The following CTXND2 variants were observed in gnomAD, a reference collection of about 807,000 sequenced individuals.
CTXND2 encodes the protein cortexin domain containing 2.
At chr1:150,888,094 C>A (rs587715268) in intron 1 of CTXND2, among the ~76,000 whole-genome samples, 1 of 152,084 alleles carries the variant, frequency 6.6e-6, no homozygotes, top group African/African-American at 2.4e-5. Context: ...GACAGGTATT[C>A]CCTTTGGAAA....
chr1:150,887,517 T>C (rs1448399606), intron 1 of CTXND2, among the ~76,000 whole-genome samples: 1 of 152,094 alleles, frequency 6.6e-6, no homozygotes, highest in African/African-American at 2.4e-5. Context: ...GAACTCAAAC[T>C]CCTGGTCTCA....
chr1:150,893,010 C>A (rs1668872496), intron 1 of CTXND2, among the ~76,000 whole-genome samples: 1 of 152,212 alleles, frequency 6.6e-6, no homozygotes, highest in African/African-American at 2.4e-5. Flanking sequence ...TATATCCCTT[C>A]ATTTACTTAA....
At chr1:150,908,317 T>C (rs1571606195) in intron 1 of CTXND2, among the ~76,000 whole-genome samples, 1 of 152,158 alleles carries the variant, frequency 6.6e-6, no homozygotes, top group South Asian at 2.1e-4. Context: ...GTAACTCTTA[T>C]GTTTCATAAT....
chr1:150,900,739 A>G (rs1388687682), intron 1 of CTXND2, among the ~76,000 whole-genome samples: 2 of 152,240 alleles, frequency 1.3e-5, no homozygotes, highest in Non-Finnish European at 2.9e-5. Flanking sequence ...GTGTATAAAC[A>G]ATATTTAAAA....
exon 2 of CTXND2, chr1:150,912,300 G>A (rs2292166): frequency 0.22 from 87,208 of 398,390 alleles, 10,598 homozygotes; most frequent in Non-Finnish European, 0.25. Context: ...CAACAGTAAC[G>A]AGGTGCAAGT....
At chr1:150,911,248 C>T (rs1669252180) in intron 1 of CTXND2, among the ~76,000 whole-genome samples, 1 of 149,972 alleles carries the variant, frequency 6.7e-6, no homozygotes, top group Non-Finnish European at 1.5e-5. Flanking sequence ...GTGCCTGGCC[C>T]TGGACTCTCA....
chr1:150,888,421 G>A (rs1005569820), intron 1 of CTXND2, among the ~76,000 whole-genome samples: 36 of 151,782 alleles, frequency 2.4e-4, no homozygotes, highest in African/African-American at 8.0e-4. Context: ...TCACCATGTT[G>A]GCCAGGCTGG....
exon 2 of CTXND2, chr1:150,912,769 G>A (rs756234760): frequency 4.0e-6 from 1 of 247,842 alleles, no homozygotes; most frequent in African/African-American, 2.2e-5. Flanking sequence ...GTAACATAAT[G>A]TCATCATGCT....
intron 1 of CTXND2, among the ~76,000 whole-genome samples, chr1:150,910,020 G>A (rs587693137): frequency 2.0e-5 from 3 of 152,086 alleles, no homozygotes; most frequent in Admixed American, 2.0e-4. Context: ...TACTTTTTTT[G>A]AGAGGCCTGG....
chr1:150,893,144 T>A (rs893791293), intron 1 of CTXND2, among the ~76,000 whole-genome samples: 3 of 152,246 alleles, frequency 2.0e-5, no homozygotes, highest in Non-Finnish European at 4.4e-5. Flanking sequence ...GATGCTTTTT[T>A]AAAAATTACA....
At chr1:150,893,294 T>G (rs1259016357) in intron 1 of CTXND2, among the ~76,000 whole-genome samples, 1 of 152,180 alleles carries the variant, frequency 6.6e-6, no homozygotes, top group East Asian at 1.9e-4. Context: ...AAACTTTTGT[T>G]TTCTTCTTTT....
At chr1:150,889,857 A>G (rs1028690452) in intron 1 of CTXND2, among the ~76,000 whole-genome samples, 2 of 152,078 alleles carry the variant, frequency 1.3e-5, no homozygotes, top group Non-Finnish European at 2.9e-5. Flanking sequence ...AGCCCTCCCC[A>G]GGCACTGAAT....
chr1:150,898,754 CAAAAAAA>C (rs34434799), intron 1 of CTXND2, among the ~76,000 whole-genome samples: 2 of 81,214 alleles, frequency 2.5e-5, no homozygotes, highest in African/African-American at 9.5e-5. Context: ...GATTCTGACT[CAAAAAAA>C]AAAAAAAAAG....
intron 1 of CTXND2, among the ~76,000 whole-genome samples, chr1:150,902,370 G>A (rs1318340173): frequency 6.6e-6 from 1 of 151,332 alleles, no homozygotes; most frequent in Non-Finnish European, 1.5e-5. Flanking sequence ...TTGGGCCACT[G>A]CACTCAAGCC....
intron 1 of CTXND2, among the ~76,000 whole-genome samples, chr1:150,890,903 C>T (rs1383779368): frequency 2.6e-5 from 4 of 152,170 alleles, no homozygotes; most frequent in African/African-American, 9.7e-5. Context: ...CTGTCTCCAT[C>T]ACTATTCCTT....
At chr1:150,896,340 A>G (rs1208656665) in intron 1 of CTXND2, among the ~76,000 whole-genome samples, 2 of 152,230 alleles carry the variant, frequency 1.3e-5, no homozygotes, top group Non-Finnish European at 2.9e-5. Flanking sequence ...CTTTTTGGCC[A>G]TATGAGTCAA....
At chr1:150,901,554 A>C (rs1669031911) in intron 1 of CTXND2, among the ~76,000 whole-genome samples, 1 of 152,236 alleles carries the variant, frequency 6.6e-6, no homozygotes. Context: ...TATACAGATA[A>C]ACAGAATAGA....
At chr1:150,899,023 G>A (rs938149500) in intron 1 of CTXND2, among the ~76,000 whole-genome samples, 2 of 149,940 alleles carry the variant, frequency 1.3e-5, no homozygotes, top group African/African-American at 2.4e-5. Context: ...GCATGAACCC[G>A]GGAGGGGGAG....
chr1:150,903,445 C>G (rs1669077857), intron 1 of CTXND2, among the ~76,000 whole-genome samples: 1 of 151,588 alleles, frequency 6.6e-6, no homozygotes, highest in South Asian at 2.1e-4. Context: ...TGATTTTTAA[C>G]TTTTTTTTAA....
Sources: gnomAD v4.1 joint callset for allele counts (sites outside exome capture counted in the v4.1 genomes callset) on GRCh38, gnomAD v4.1.1 for gene constraint, MANE v1.5 for transcripts, NCBI Gene and HGNC (gene_info 2026-07-23, HGNC 2026-07-21) for gene names.